Variants in CES2 observed in about 807,000 individuals in gnomAD.
CES2 encodes the protein cocaine esterase.
A neutral mutation model predicts 52.1 loss-of-function variants in CES2; 42 were observed. The ratio of observed to expected loss-of-function variants is 0.81; its 90% CI spans 0.63 to 1.04. The LOEUF (loss-of-function observed/expected upper bound fraction) is 1.04. Ranked by LOEUF, CES2 falls within the 50% of genes least tolerant of loss-of-function variation. The pLI, the probability that CES2 is intolerant of heterozygous loss-of-function variation, is 0.00. For synonymous variants in CES2, 277 were observed against 289.6 expected (o/e 0.96, Z 0.44); for missense variants, 656 against 724.3 (o/e 0.91, Z 1.08).
intron 1 of CES2, 28 bp downstream of exon 1, chr16:66,935,739 G>A (rs1486932222): frequency 1.3e-6 from 2 of 1,598,844 alleles, no homozygotes; most frequent in Non-Finnish European, 1.7e-6. Flanking sequence ...GGGCGACAGG[G>A]ACCGGGCTCA....
chr16:66,941,482 C>T, intron 6 of CES2, 24 bp from the exon 7 acceptor site: 1 of 1,612,704 alleles, frequency 6.2e-7, no homozygotes, highest in South Asian at 1.1e-5. Context: ...TGACCTTGTT[C>T]CCTGACCTTA....
chr16:66,939,495 C>T (rs2145503449), intron 3 of CES2, 137 bp downstream of exon 3: 3 of 926,742 alleles, frequency 3.2e-6, no homozygotes, highest in Non-Finnish European at 4.9e-6. Flanking sequence ...CCAAGAAATG[C>T]TCCTTACCCA....
chr16:66,943,784 C>T lies in CES2; in HGVS notation c.1494-55C>T. 6.8e-7 allele frequency: 1 copy of T among 1,460,698 alleles called. No individual in the cohort carries two copies. The highest frequency in any genetic ancestry group is 9.3e-7 in the Non-Finnish European group (1 of 1,077,442). The allele number at this position is 1,460,698 out of a possible 1,614,324, so 90.5% of individuals were successfully genotyped here. ...CAGACTCAGGGTGCTCAGGTCTGGG[C>T]TTCGGGGGCCCAGAGTGACCCTCAT... On this transcript the variant is annotated intron_variant, in intron 11 of 11. Coordinates refer to ENST00000317091, the MANE Select transcript of CES2 (RefSeq NM_001365405.1). The surrounding 1 kb of genome is among the most constrained non-coding windows in gnomAD (Gnocchi z 4.2).
chr16:66,942,484 C>T, intron 9 of CES2, 164 bp from the exon 10 acceptor site: 1 of 833,022 alleles, frequency 1.2e-6, no homozygotes, highest in Non-Finnish European at 1.8e-6. Context: ...GATGACACAG[C>T]AAAGAATCGC....
chr16:66,943,191 G>T lies in CES2; in HGVS notation c.1421-108G>T. 1 of 1,111,984 alleles carries T rather than the reference G, an allele frequency of 9.0e-7. No homozygotes were observed. Among genetic ancestry groups the T allele is most frequent in the South Asian group, 1.5e-5 (1 of 68,930 alleles). 68.9% of individuals were successfully genotyped at this position (1,111,984 alleles called of 1,614,324 possible). ...TTCTGAGGGCAGTGGAAGAAAAAGC[G>T]GAGAAGCAGGACTGGGGACCGAGGT... On this transcript the variant is annotated intron_variant, in intron 10 of 11. Coordinates refer to ENST00000317091, the MANE Select transcript of CES2 (RefSeq NM_001365405.1). This position sits in a 1 kb window ranked among gnomAD's most constrained non-coding sequence, Gnocchi z 4.2.
rs534369649 is a variant in CES2, at chr16:66,940,574, C to T, written c.695C>T (p.Thr232Met). The change falls in exon 5 of 12, where the codon ACG (threonine) becomes ATG (methionine). Residue 232 changes from threonine to methionine, a missense_variant. Physicochemically the swap from Thr to Met is moderately conservative, Grantham distance 81 (BLOSUM62 -1). Coordinates refer to ENST00000317091, the MANE Select transcript of CES2 (RefSeq NM_001365405.1). ...ATTTTTGGCGAGTCTGCGGGTGGCA[C>T]GAGTGTGTCTTCGCTTGTTGTGTCC... ...VTIFGESAGG[T>M]SVSSLVVSPI... is the part of the protein sequence containing the mutation. 1.4e-5 allele frequency: 22 copies of T among 1,614,242 alleles called. No homozygotes were observed. The highest frequency in any genetic ancestry group is 8.0e-5 in the African/African-American group (6 of 75,060).
At chr16:66,937,926 A>C (rs748174166) in intron 1 of CES2, 111 bp from the exon 2 acceptor site, 2 of 855,566 alleles carry the variant, frequency 2.3e-6, no homozygotes, top group Non-Finnish European at 3.8e-6. Flanking sequence ...ATGTTTACAG[A>C]TCAGAGTCCC....
In CES2 at chr16:66,935,612, C is replaced by G. The variant is rs200069003; in HGVS notation, c.-24C>G. ...TGAACAGCAGCGTGTCCGCCGGCAG[C>G]GAACCGAGACCAGCGAGCCGACCAT... On this transcript the variant is annotated 5_prime_UTR_variant, in exon 1 of 12. Coordinates refer to ENST00000317091, the MANE Select transcript of CES2 (RefSeq NM_001365405.1). The G allele has an allele frequency of 6.2e-7, 1 of 1,608,878 alleles. No homozygotes were observed. Among genetic ancestry groups the G allele is most frequent in the Non-Finnish European group, 8.5e-7 (1 of 1,179,956 alleles).
intron 3 of CES2, 90 bp from the exon 4 acceptor site, chr16:66,940,132 C>T (rs1264293530): frequency 1.9e-6 from 3 of 1,543,456 alleles, no homozygotes; most frequent in African/African-American, 2.7e-5. Context: ...GGGAGGTAGA[C>T]AGAGGCAAAG....
At chr16:66,941,389 C>A in intron 6 of CES2, 117 bp from the exon 7 acceptor site, 1 of 1,525,092 alleles carries the variant, frequency 6.6e-7, no homozygotes, top group Non-Finnish European at 8.9e-7. Context: ...AAACAGTAAT[C>A]TCCTGGGGTG....
At chr16:66,936,251 G>T (rs1040592721) in intron 1 of CES2, among the ~76,000 whole-genome samples, 2 of 152,158 alleles carry the variant, frequency 1.3e-5, no homozygotes, top group Non-Finnish European at 2.9e-5. Flanking sequence ...GGCTGGGTGC[G>T]ATTGGCTCAC....
chr16:66,936,111 C>T lies in CES2; in HGVS notation c.76+400C>T, dbSNP rs183709379. 16 of 832,664 alleles carry T rather than the reference C, an allele frequency of 1.9e-5. No homozygotes were observed. In the Admixed American group the frequency reaches 4.5e-4, roughly 23 times the overall value. The allele number at this position is 832,664 out of a possible 1,614,324, so 51.6% of individuals were successfully genotyped here. On this transcript the variant is annotated intron_variant, in intron 1 of 11. Transcript: ENST00000317091. ...ATAGCTTCTGGCAGCATCTGGCTCT[C>T]AGTGTGTGGCGTCCTTGGCCAGGGG...
chr16:66,942,440 A>G (rs548755821), intron 9 of CES2, 191 bp downstream of exon 9: 4 of 815,364 alleles, frequency 4.9e-6, no homozygotes, highest in African/African-American at 1.7e-5. Context: ...CAGACGAGCA[A>G]ATTGAAGTTA....
intron 8 of CES2, 97 bp downstream of exon 8, chr16:66,941,945 C>A (rs920435946): frequency 1.9e-5 from 29 of 1,565,346 alleles, no homozygotes; most frequent in Non-Finnish European, 2.3e-5. Context: ...TATGTAGTGA[C>A]CCCCATGAGC....
intron 1 of CES2, among the ~76,000 whole-genome samples, chr16:66,936,450 G>A (rs1401475822): frequency 6.6e-6 from 1 of 152,112 alleles, no homozygotes; most frequent in African/African-American, 2.4e-5. Flanking sequence ...ACTTTAGTAG[G>A]GGAGGTTGAG....
At chr16:66,937,122 A>C (rs1261505718) in intron 1 of CES2, among the ~76,000 whole-genome samples, 2 of 151,784 alleles carry the variant, frequency 1.3e-5, no homozygotes, top group Non-Finnish European at 2.9e-5. Flanking sequence ...GGCTGCAGTG[A>C]GCTGTTATCA....
intron 3 of CES2, 23 bp downstream of exon 3, chr16:66,939,381 C>T (rs1435324882): frequency 3.7e-6 from 6 of 1,613,298 alleles, no homozygotes; most frequent in Middle Eastern, 3.3e-4. Flanking sequence ...CCACAGTTCA[C>T]TGGGGGTTGG....
Position 66,943,827 on chromosome 16 carries a change from G to A in CES2, c.1494-12G>A, listed in dbSNP as rs768210617. Reference sequence around the variant, plus strand: ...ACCCTCATACTGCCCTGCTGGGATGGCATGTCTACAGGAACCCCAATGGCG... The same window carrying A: ...ACCCTCATACTGCCCTGCTGGGATGACATGTCTACAGGAACCCCAATGGCG... On this transcript the variant is annotated splice_polypyrimidine_tract_variant and intron_variant, in intron 11 of 11. Transcript: ENST00000317091. This position sits in a 1 kb window ranked among gnomAD's most constrained non-coding sequence, Gnocchi z 4.2. The A allele has an allele frequency of 1.9e-6, 3 of 1,578,412 alleles. No individual in the cohort carries two copies. The highest frequency in any genetic ancestry group is 1.1e-5 in the South Asian group (1 of 87,342).
Position 66,936,016 on chromosome 16 carries a change from G to A in CES2, c.76+305G>A, listed in dbSNP as rs913684940. 1.1e-5 allele frequency: 15 copies of A among 1,335,216 alleles called. No individual in the cohort carries two copies. The African/African-American group carries it at 1.6e-4, about 15-fold the overall frequency. The allele number at this position is 1,335,216 out of a possible 1,614,324, so 82.7% of individuals were successfully genotyped here. On this transcript the variant is annotated intron_variant, in intron 1 of 11. Coordinates refer to ENST00000317091, the MANE Select transcript of CES2 (RefSeq NM_001365405.1). ...GTCGGAGTGGGTGAGGGATTGGGGT[G>A]TGGGGATTCAGTCCATTTCCCTCTT... is the stretch of plus-strand genomic sequence containing the variant.
Sources: gnomAD v4.1 joint callset for allele counts (sites outside exome capture counted in the v4.1 genomes callset) on GRCh38, gnomAD v4.1.1 for gene constraint, Gnocchi (gnomAD v3.1) non-coding constraint, MANE v1.5 for transcripts, NCBI Gene and HGNC (gene_info 2026-07-23, HGNC 2026-07-21) for gene names.